Variants in VPS13B observed in about 807,000 individuals in gnomAD.
VPS13B encodes the protein intermembrane lipid transfer protein VPS13B.
Under a neutral mutation model 426.4 loss-of-function variants are expected in VPS13B, and 285 were observed. The observed-to-expected ratio is 0.67, with a 90% CI of 0.61 to 0.74. The LOEUF (loss-of-function observed/expected upper bound fraction) is 0.74. Among genes scored for constraint, VPS13B ranks in the 30% least tolerant of loss-of-function variants. The probability of loss-of-function intolerance (pLI) is 0.00; values close to 1 mark genes in which losing one functional copy is unlikely to be tolerated. For synonymous variants in VPS13B, 1,676 were observed against 1,676.4 expected (o/e 1.00, Z 0.01); for missense variants, 4,537 against 4,782.6 (o/e 0.95, Z 1.51).
chr8:99,859,518 C>T (rs1469399686), intron 57 of VPS13B, 38 bp downstream of exon 57: 1 of 1,592,950 alleles, frequency 6.3e-7, no homozygotes, highest in South Asian at 1.1e-5. Context: ...GCCTTCACTC[C>T]TTCCCTTTTT....
Position 99,575,790 on chromosome 8 carries a change from A to G in VPS13B, c.5076+6A>G, listed in dbSNP as rs1338871857. 6.2e-7 allele frequency: 1 copy of G among 1,612,890 alleles called. No individual in the cohort carries two copies. ...CAGAAAATTTGCATACTGAGGTTAG[A>G]ACATAATTTTGATTTTATTTTAGTC... On this transcript the variant is annotated splice_donor_region_variant and intron_variant, in intron 32 of 61. Coordinates refer to ENST00000357162, the MANE Select transcript of VPS13B (RefSeq NM_152564.5).
In VPS13B at chr8:99,854,103, G is replaced by A. The variant is rs369258469; in HGVS notation, c.10714G>A (p.Val3572Ile). Residue 3572 changes from valine (V) to isoleucine (I), a missense_variant, in exon 56 of 62, where the codon GTC becomes ATC. This residue lies in a region of VPS13B where 4,311 missense variants were observed against 4,474.3 expected (regional missense o/e 0.96). Coordinates refer to ENST00000357162, the MANE Select transcript of VPS13B (RefSeq NM_152564.5). ...GGTGATCCAGCCAGTAAATTTGCTC[G>A]TCAGCATCCACGCTTCCCTCAAGCT... ...KLVIQPVNLL[V>I]SIHASLKLYI... 45 of 1,612,928 alleles carry A rather than the reference G, an allele frequency of 2.8e-5. No homozygotes were observed. The highest frequency in any genetic ancestry group is 9.9e-5 in the South Asian group (9 of 91,044).
At chr8:99,589,873 C>T (rs1418434685) in intron 33 of VPS13B, among the ~76,000 whole-genome samples, 1 of 151,992 alleles carries the variant, frequency 6.6e-6, no homozygotes, top group Non-Finnish European at 1.5e-5. Flanking sequence ...GGGAGGATTC[C>T]CTCTTTTTCT....
chr8:99,564,567 G>A (rs1184120143), intron 31 of VPS13B, among the ~76,000 whole-genome samples: 1 of 152,286 alleles, frequency 6.6e-6, no homozygotes, highest in Admixed American at 6.5e-5. Context: ...ACAGAGACAG[G>A]AAAAGTGAGA....
chr8:99,389,440 T>C (rs761443650), intron 20 of VPS13B, among the ~76,000 whole-genome samples: 18 of 151,980 alleles, frequency 1.2e-4, no homozygotes, highest in Non-Finnish European at 1.5e-5. Flanking sequence ...ACCTTTTGAG[T>C]CCCCCTAAAC....
intron 19 of VPS13B, among the ~76,000 whole-genome samples, chr8:99,283,754 T>C (rs1007459204): frequency 2.6e-5 from 4 of 152,206 alleles, no homozygotes; most frequent in Admixed American, 2.0e-4. Context: ...ATGTTAAAGA[T>C]GTTACGCATA....
chr8:99,524,622 G>C (rs1050837209), intron 30 of VPS13B, among the ~76,000 whole-genome samples: 1 of 152,092 alleles, frequency 6.6e-6, no homozygotes, highest in Admixed American at 6.6e-5. Flanking sequence ...ATGAGACTTC[G>C]TCTCTATAAA....
Position 99,096,313 on chromosome 8 carries a change from A to T in VPS13B, c.293A>T (p.Asp98Val), listed in dbSNP as rs755861935. The part of the protein sequence containing the change: ...CILKLKDGIQ[D>V]DHESCGSNST... ...TTTCTTTCTTTAAAATAAAAATAGG[A>T]TGACCATGAAAGCTGTGGTTCTAAT... The change falls in exon 4 of 62, where the codon GAT becomes GTT. Residue 98 changes from aspartate to valine, a missense_variant and splice_region_variant. This residue lies in a region of VPS13B where 226 missense variants were observed against 308.3 expected (regional missense o/e 0.73). Transcript: ENST00000357162. 1 of 1,613,894 alleles carries T rather than the reference A, an allele frequency of 6.2e-7. No individual in the cohort carries two copies. The highest frequency in any genetic ancestry group is 8.5e-7 in the Non-Finnish European group (1 of 1,179,886).
At chr8:99,099,855 G>A (rs190686147) in intron 4 of VPS13B, among the ~76,000 whole-genome samples, 1 of 152,164 alleles carries the variant, frequency 6.6e-6, no homozygotes, top group Non-Finnish European at 1.5e-5. Context: ...GGTATGGGGA[G>A]AGGTAGATAA....
intron 30 of VPS13B, among the ~76,000 whole-genome samples, chr8:99,545,379 T>C (rs543146906): frequency 1.3e-5 from 2 of 152,308 alleles, no homozygotes; most frequent in South Asian, 4.1e-4. Flanking sequence ...TCTGCACTAA[T>C]ACAGTAGCCA....
chr8:99,847,050 A>AG (rs1816021039), intron 54 of VPS13B, among the ~76,000 whole-genome samples: 1 of 152,242 alleles, frequency 6.6e-6, no homozygotes, highest in African/African-American at 2.4e-5. Context: ...GTTTATAGAT[A>AG]GGAATATTTC....
chr8:99,603,295 A>T (rs973159108), intron 33 of VPS13B, among the ~76,000 whole-genome samples: 7 of 152,094 alleles, frequency 4.6e-5, no homozygotes, highest in Non-Finnish European at 4.4e-5. Flanking sequence ...ACATTCCAAG[A>T]CCCCCAGTGG....
intron 43 of VPS13B, among the ~76,000 whole-genome samples, chr8:99,790,012 C>T (rs1329597463): frequency 1.3e-5 from 2 of 152,134 alleles, no homozygotes; most frequent in Admixed American, 6.6e-5. Flanking sequence ...CCCACACACA[C>T]ACCCAAAACT....
At chr8:99,125,370 G>T (rs1848145311) in intron 8 of VPS13B, among the ~76,000 whole-genome samples, 1 of 152,212 alleles carries the variant, frequency 6.6e-6, no homozygotes, top group African/African-American at 2.4e-5. Flanking sequence ...ACATTCTTCT[G>T]CCTGCTTTAT....
intron 31 of VPS13B, among the ~76,000 whole-genome samples, chr8:99,561,271 A>G (rs1180728923): frequency 6.6e-6 from 1 of 152,152 alleles, no homozygotes; most frequent in East Asian, 1.9e-4. Flanking sequence ...GTATGAATTT[A>G]TGTATTCTGG....
At chr8:99,686,893 C>T (rs567055845) in intron 35 of VPS13B, among the ~76,000 whole-genome samples, 8 of 151,972 alleles carry the variant, frequency 5.3e-5, no homozygotes, top group Non-Finnish European at 8.8e-5. Flanking sequence ...GACAAACTAC[C>T]CTTCACTTTT....
chr8:99,654,394 T>C (rs1319057482), intron 34 of VPS13B, among the ~76,000 whole-genome samples: 1 of 152,180 alleles, frequency 6.6e-6, no homozygotes, highest in East Asian at 1.9e-4. Flanking sequence ...TCCTTCACAA[T>C]TTAACTTGCA....
intron 30 of VPS13B, among the ~76,000 whole-genome samples, chr8:99,545,128 A>G (rs1341664928): frequency 6.6e-6 from 1 of 152,108 alleles, no homozygotes; most frequent in East Asian, 1.9e-4. Flanking sequence ...GCCATGTAAG[A>G]CTCATCACTT....
chr8:99,028,364 G>A lies in VPS13B; in HGVS notation c.148-10059G>A, dbSNP rs575205548. 1.7e-3 allele frequency among the ~76,000 whole-genome samples: 252 copies of A among 148,894 alleles called. 1 individual carries two copies. The East Asian group carries it at 0.033, about 20-fold the overall frequency. On this transcript the variant is annotated intron_variant, in intron 2 of 61. Transcript: ENST00000357162. The stretch of plus-strand genomic sequence containing the variant: ...GGGCTGACCCCCCCACCTCCCTCCC[G>A]GATGGGGCGGCTGGCCGGGCGGGGG...
Sources: gnomAD v4.1 joint callset for allele counts (sites outside exome capture counted in the v4.1 genomes callset) on GRCh38, gnomAD v4.1.1 for gene constraint, gnomAD v4.1.1 regional missense constraint, MANE v1.5 for transcripts, NCBI Gene and HGNC (gene_info 2026-07-23, HGNC 2026-07-21) for gene names.